Variants in FARS2 observed in about 807,000 individuals in gnomAD.
FARS2 encodes phenylalanyl-tRNA synthetase 2, mitochondrial.
In FARS2, 40 loss-of-function variants were observed where a neutral mutation model predicts 46.4. The observed-to-expected ratio is 0.86, with a 90% CI of 0.67 to 1.12. The LOEUF (loss-of-function observed/expected upper bound fraction) is 1.12, where lower values mean the gene tolerates loss of function less well. Among genes scored for constraint, FARS2 ranks in the 50% most tolerant of loss-of-function variants. The pLI, the probability that FARS2 is intolerant of heterozygous loss-of-function variation, is 0.00. For synonymous variants in FARS2, 234 were observed against 214.9 expected, an observed-to-expected ratio of 1.09 and a Z score of -0.78; for missense variants, 513 against 567.9, an observed-to-expected ratio of 0.90 and a Z score of 0.98.
intron 6 of FARS2, among the ~76,000 whole-genome samples, chr6:5,683,730 C>T (rs373656529): frequency 5.9e-5 from 9 of 152,146 alleles, no homozygotes; most frequent in East Asian, 5.8e-4. Context: ...TTTTAAGCCC[C>T]GGAGGCATTA....
intron 6 of FARS2, among the ~76,000 whole-genome samples, chr6:5,668,943 G>A (rs1483628098): frequency 1.3e-5 from 2 of 151,942 alleles, no homozygotes; most frequent in African/African-American, 2.4e-5. Context: ...CGATGGACCC[G>A]CCTTGGCCTC....
At chr6:5,260,973 T>C (rs1295163564), upstream of FARS2, 2 of 1,213,144 alleles carry the variant, frequency 1.6e-6, no homozygotes, top group Non-Finnish European at 2.1e-6. Flanking sequence ...GGGGCGGTGC[T>C]GGGAGGGAGA....
At chr6:5,707,398 C>T (rs1758827162) in intron 6 of FARS2, among the ~76,000 whole-genome samples, 1 of 152,200 alleles carries the variant, frequency 6.6e-6, no homozygotes, top group Non-Finnish European at 1.5e-5. Flanking sequence ...TCAGGCTTCC[C>T]CACTTAGGAA....
intron 6 of FARS2, among the ~76,000 whole-genome samples, chr6:5,666,525 C>T (rs1262201713): frequency 6.6e-6 from 1 of 152,136 alleles, no homozygotes; most frequent in Non-Finnish European, 1.5e-5. Context: ...ATAAATAGTA[C>T]ATGATAGTTT....
At chr6:5,667,520 G>GAA (rs1166355245) in intron 6 of FARS2, among the ~76,000 whole-genome samples, 9 of 79,212 alleles carry the variant, frequency 1.1e-4, no homozygotes, top group Admixed American at 4.6e-4. Context: ...ACCGTCTCAA[G>GAA]AAAAAAAAAA....
intron 1 of FARS2, among the ~76,000 whole-genome samples, chr6:5,324,822 C>T (rs1057118712): frequency 4.6e-5 from 7 of 152,144 alleles, no homozygotes; most frequent in Admixed American, 2.0e-4. Flanking sequence ...TCACTGTGTA[C>T]TTCACACTGT....
At chr6:5,768,862 A>G (rs779104676) in intron 6 of FARS2, among the ~76,000 whole-genome samples, 2 of 152,126 alleles carry the variant, frequency 1.3e-5, no homozygotes, top group Non-Finnish European at 2.9e-5. Flanking sequence ...TTCTTTGTAT[A>G]TTCTAGATAC....
At chr6:5,686,168 T>C (rs906656900) in intron 6 of FARS2, among the ~76,000 whole-genome samples, 1 of 152,104 alleles carries the variant, frequency 6.6e-6, no homozygotes. Context: ...AGGTTTGATA[T>C]TGTGGATGAT....
At chr6:5,368,008 A>G (rs1412918377) in intron 1 of FARS2, among the ~76,000 whole-genome samples, 1 of 152,232 alleles carries the variant, frequency 6.6e-6, no homozygotes, top group African/African-American at 2.4e-5. Context: ...TACAGAAGTT[A>G]TGCTATGTCA....
intron 1 of FARS2, among the ~76,000 whole-genome samples, chr6:5,294,688 T>G (rs980223112): frequency 2.0e-5 from 3 of 152,122 alleles, no homozygotes; most frequent in African/African-American, 7.2e-5. Context: ...ACTGGTTTTT[T>G]ATAAAGGATA....
chr6:5,613,085 G>A, intron 5 of FARS2, 84 bp from the exon 6 acceptor site: 1 of 1,188,532 alleles, frequency 8.4e-7, no homozygotes, highest in South Asian at 1.3e-5. Flanking sequence ...TTCCTAATTA[G>A]TCAAGTGCAA....
intron 1 of FARS2, among the ~76,000 whole-genome samples, chr6:5,340,224 T>G (rs1315741227): frequency 6.6e-6 from 1 of 152,152 alleles, no homozygotes; most frequent in African/African-American, 2.4e-5. Flanking sequence ...TAGTCACCTG[T>G]GAGATGTTTT....
chr6:5,622,261 T>A (rs1775814107), intron 6 of FARS2, among the ~76,000 whole-genome samples: 1 of 152,238 alleles, frequency 6.6e-6, no homozygotes, highest in Non-Finnish European at 1.5e-5. Context: ...ACCGCCTTCC[T>A]CTTTCTCCGA....
intron 5 of FARS2, among the ~76,000 whole-genome samples, chr6:5,572,445 G>T (rs1162804791): frequency 1.3e-5 from 2 of 152,100 alleles, no homozygotes; most frequent in African/African-American, 4.8e-5. Flanking sequence ...CTCCAGCACT[G>T]GGGATGCAAT....
intron 5 of FARS2, among the ~76,000 whole-genome samples, chr6:5,599,324 A>C (rs1381310001): frequency 6.6e-6 from 1 of 152,212 alleles, no homozygotes; most frequent in Non-Finnish European, 1.5e-5. Context: ...TGATGGCACA[A>C]GACCATGACG....
At chr6:5,554,948 T>C (rs1290185395) in intron 5 of FARS2, among the ~76,000 whole-genome samples, 1 of 151,790 alleles carries the variant, frequency 6.6e-6, no homozygotes, top group Non-Finnish European at 1.5e-5. Context: ...ATGAGGCAGG[T>C]TTGTCAAGAG....
At chr6:5,757,079 T>G (rs963316804) in intron 6 of FARS2, among the ~76,000 whole-genome samples, 5 of 152,354 alleles carry the variant, frequency 3.3e-5, no homozygotes, top group African/African-American at 1.2e-4. Flanking sequence ...CTTATTAAAT[T>G]CTGCCTAAGC....
At chr6:5,681,534 T>C (rs1779031523) in intron 6 of FARS2, among the ~76,000 whole-genome samples, 1 of 152,192 alleles carries the variant, frequency 6.6e-6, no homozygotes, top group African/African-American at 2.4e-5. Flanking sequence ...TTCATTTGTG[T>C]ACAGGGGGAA....
At chr6:5,721,910 A>G (rs1759933497) in intron 6 of FARS2, among the ~76,000 whole-genome samples, 1 of 152,192 alleles carries the variant, frequency 6.6e-6, no homozygotes, top group Admixed American at 6.5e-5. Flanking sequence ...CCTTGAGACA[A>G]CCTTGTGCTT....
Sources: allele counts gnomAD v4.1 joint callset (sites outside exome capture counted in the v4.1 genomes callset), GRCh38; gene constraint gnomAD v4.1.1; transcripts MANE v1.5; gene names NCBI Gene and HGNC (gene_info 2026-07-23, HGNC 2026-07-21).